MTHFD1L: variants seen among roughly 807,000 people sequenced by gnomAD.
MTHFD1L encodes the protein monofunctional C1-tetrahydrofolate synthase, mitochondrial.
Under a neutral mutation model 119.5 loss-of-function variants are expected in MTHFD1L, and 81 were observed. The observed-to-expected ratio is 0.68, with a 90% CI of 0.57 to 0.82. The LOEUF (loss-of-function observed/expected upper bound fraction) is 0.82, where lower values mean the gene tolerates loss of function less well. Ranked by LOEUF, MTHFD1L falls within the 40% of genes least tolerant of loss-of-function variation. MTHFD1L has a pLI of 0.00. For synonymous variants in MTHFD1L, 430 were observed against 475.2 expected, an observed-to-expected ratio of 0.90 and a Z score of 1.24; for missense variants, 1,125 against 1,253.4, an observed-to-expected ratio of 0.90 and a Z score of 1.55.
intron 20 of MTHFD1L, among the ~76,000 whole-genome samples, chr6:150,974,397 T>G (rs1000485961): frequency 1.3e-5 from 2 of 152,234 alleles, no homozygotes; most frequent in African/African-American, 4.8e-5. Flanking sequence ...CTTTTTATTT[T>G]TTGGATGATT....
intron 20 of MTHFD1L, among the ~76,000 whole-genome samples, chr6:151,006,204 T>TGGGC (rs1781363856): frequency 1.1e-5 from 1 of 87,998 alleles, no homozygotes; most frequent in African/African-American, 4.1e-5. Context: ...GAGGGTGGGA[T>TGGGC]GGGCGGGAGG....
intron 24 of MTHFD1L, among the ~76,000 whole-genome samples, chr6:151,017,233 C>G (rs1195462199): frequency 6.6e-6 from 1 of 152,198 alleles, no homozygotes; most frequent in East Asian, 1.9e-4. Context: ...TACCATTCTC[C>G]TTCATTTCCA....
intron 21 of MTHFD1L, among the ~76,000 whole-genome samples, chr6:151,012,806 C>T (rs934382087): frequency 1.3e-5 from 2 of 152,196 alleles, no homozygotes; most frequent in Middle Eastern, 3.4e-3. Flanking sequence ...TGTGGGCTGG[C>T]AAGCTGAAGA....
At chr6:150,951,617 A>G (rs1272336716) in intron 16 of MTHFD1L, among the ~76,000 whole-genome samples, 1 of 152,188 alleles carries the variant, frequency 6.6e-6, no homozygotes, top group East Asian at 1.9e-4. Context: ...TTGTGGATGA[A>G]CCACAACTTA....
chr6:151,004,556 G>C (rs936126975), intron 20 of MTHFD1L, among the ~76,000 whole-genome samples: 1 of 152,156 alleles, frequency 6.6e-6, no homozygotes, highest in Non-Finnish European at 1.5e-5. Flanking sequence ...GGCCGCACCC[G>C]TGGATGATCA....
intron 7 of MTHFD1L, 88 bp from the exon 8 acceptor site, chr6:150,905,562 A>T (rs917894112): frequency 5.5e-6 from 5 of 913,966 alleles, no homozygotes; most frequent in Non-Finnish European, 9.0e-6. Context: ...TGGATCTGGG[A>T]TTGTGTAGAA....
At chr6:150,949,334 G>C (rs1292932263) in intron 16 of MTHFD1L, among the ~76,000 whole-genome samples, 1 of 151,514 alleles carries the variant, frequency 6.6e-6, no homozygotes, top group Non-Finnish European at 1.5e-5. Context: ...CAAAAATTCT[G>C]TCCAGGGTCA....
intron 26 of MTHFD1L, among the ~76,000 whole-genome samples, chr6:151,085,182 A>G (rs894072925): frequency 3.3e-5 from 5 of 151,612 alleles, no homozygotes; most frequent in African/African-American, 7.3e-5. Flanking sequence ...TTTTTCTTCT[A>G]TGTTGAAAAT....
chr6:151,059,187 T>C (rs951331138), intron 26 of MTHFD1L, among the ~76,000 whole-genome samples: 6 of 88,208 alleles, frequency 6.8e-5, no homozygotes, highest in African/African-American at 2.1e-4. Context: ...AGTTCTAAAC[T>C]GGTGGTGGTG....
chr6:150,888,005 C>A, intron 7 of MTHFD1L, 24 bp downstream of exon 7: 4 of 1,583,516 alleles, frequency 2.5e-6, no homozygotes, highest in Admixed American at 1.9e-5. Context: ...TAGAAACATA[C>A]ATCTTGAAGG....
intron 11 of MTHFD1L, among the ~76,000 whole-genome samples, chr6:150,936,188 C>G (rs1406905213): frequency 6.6e-6 from 1 of 150,816 alleles, no homozygotes; most frequent in Non-Finnish European, 1.5e-5. Context: ...TGCCTTCTCT[C>G]TAGAACAAAG....
intron 17 of MTHFD1L, among the ~76,000 whole-genome samples, chr6:150,957,710 G>T (rs1349996857): frequency 6.6e-6 from 1 of 152,124 alleles, no homozygotes; most frequent in Non-Finnish European, 1.5e-5. Flanking sequence ...CTTGACATGA[G>T]TAGAGAGCTC....
At chr6:151,024,730 A>G (rs1784397028) in intron 24 of MTHFD1L, among the ~76,000 whole-genome samples, 1 of 152,138 alleles carries the variant, frequency 6.6e-6, no homozygotes, top group Non-Finnish European at 1.5e-5. Context: ...TCTGGAGGCT[A>G]AGGCCCAAGA....
At chr6:150,884,834 G>A (rs1017281041) in intron 5 of MTHFD1L, among the ~76,000 whole-genome samples, 1 of 151,958 alleles carries the variant, frequency 6.6e-6, no homozygotes, top group Admixed American at 6.6e-5. Flanking sequence ...CCCCCACCCC[G>A]ACTTCTCAAG....
At chr6:150,933,339 A>G (rs1452606226) in intron 11 of MTHFD1L, among the ~76,000 whole-genome samples, 2 of 152,164 alleles carry the variant, frequency 1.3e-5, no homozygotes, top group Non-Finnish European at 2.9e-5. Flanking sequence ...AAATGACACC[A>G]TATTTGATGC....
At chr6:150,933,084 T>C (rs898419630) in intron 11 of MTHFD1L, among the ~76,000 whole-genome samples, 1 of 152,152 alleles carries the variant, frequency 6.6e-6, no homozygotes, top group African/African-American at 2.4e-5. Context: ...CAATAAATAC[T>C]TCCTACTTTG....
At chr6:150,866,737 G>T (rs1778411160) in intron 1 of MTHFD1L, 1 of 1,043,678 alleles carries the variant, frequency 9.6e-7, no homozygotes, top group African/African-American at 1.7e-5. Flanking sequence ...CCGCGCAGCT[G>T]GGTTTGCAGG....
At chr6:150,934,477 C>T (rs146913470) in intron 11 of MTHFD1L, among the ~76,000 whole-genome samples, 227 of 152,284 alleles carry the variant, frequency 1.5e-3, no homozygotes, top group African/African-American at 5.4e-3. Context: ...ATATTCAGAT[C>T]AGCTGGAAGC....
chr6:150,953,285 C>CATAGTCAGCACTGTAGT lies in MTHFD1L; in HGVS notation c.1727-2691_1727-2675dup, dbSNP rs1194717995. Among the ~76,000 whole-genome samples, 14 of 152,342 alleles carry CATAGTCAGCACTGTAGT rather than the reference C, an allele frequency of 9.2e-5. 1 individual carries two copies. The Middle Eastern group carries it at 0.037, about 407-fold the overall frequency. ...GGCATACTGTGGATGTTCCTTAGGA[C>CATAGTCAGCACTGTAGT]ATAGTCAGCACTGTAGTATAGTCAG... is the stretch of plus-strand genomic sequence containing the variant. On this transcript the variant is annotated intron_variant, in intron 16 of 27. Coordinates refer to ENST00000367321, the MANE Select transcript of MTHFD1L (RefSeq NM_015440.5).
Sources: allele counts gnomAD v4.1 joint callset (sites outside exome capture counted in the v4.1 genomes callset), GRCh38; gene constraint gnomAD v4.1.1; transcripts MANE v1.5; gene names NCBI Gene and HGNC (gene_info 2026-07-23, HGNC 2026-07-21).